The following ANO10 variants were observed in gnomAD, a reference collection of about 807,000 sequenced individuals.
ANO10 encodes the protein anoctamin-10.
A neutral mutation model predicts 74.7 loss-of-function variants in ANO10; 77 were observed. That is an observed-to-expected ratio of 1.03 (90% confidence interval 0.86 to 1.25). The LOEUF (loss-of-function observed/expected upper bound fraction) is 1.25, where lower values mean the gene tolerates loss of function less well. Ranked by LOEUF, ANO10 falls within the 50% of genes most tolerant of loss-of-function variation. The pLI is 0.00. For missense variants in ANO10, 721 were observed against 778.1 expected (o/e 0.93, Z 0.87); for synonymous variants, 279 against 284.9 (o/e 0.98, Z 0.21).
intron 11 of ANO10, among the ~76,000 whole-genome samples, chr3:43,448,317 C>T (rs2093278832): frequency 6.6e-6 from 1 of 150,730 alleles, no homozygotes; most frequent in Non-Finnish European, 1.5e-5. Context: ...CCCTGTGGTT[C>T]ACTTATTCAT....
intron 11 of ANO10, among the ~76,000 whole-genome samples, chr3:43,484,010 C>T (rs1210350287): frequency 6.6e-6 from 1 of 152,134 alleles, no homozygotes; most frequent in African/African-American, 2.4e-5. Flanking sequence ...AATCACAACT[C>T]ACTGCAGCCT....
At chr3:43,470,610 TTATTTATTTATTTATTTATG>T (rs1480121451) in intron 11 of ANO10, among the ~76,000 whole-genome samples, 7 of 148,246 alleles carry the variant, frequency 4.7e-5, no homozygotes, top group East Asian at 2.0e-4. Context: ...ATTTATTTAT[TTATTTATTTATTTATTTATG>T]TATTTATTTA....
rs1398058010 is a variant in ANO10 at position 43,448,276 on chromosome 3, T to C, written c.1798-15549A>G. ...ATGTCATGTATCCACCATTACAGTA[T>C]CATACATGATAGTTTTACTGCCCTA... On this transcript the variant is annotated intron_variant, in intron 11 of 12. Coordinates refer to ENST00000292246, the MANE Select transcript of ANO10 (RefSeq NM_018075.5). 3.3e-5 allele frequency among the ~76,000 whole-genome samples: 5 copies of C among 152,304 alleles called. No individual in the cohort carries two copies. The East Asian group carries it at 7.7e-4, about 23-fold the overall frequency.
chr3:43,580,608 G>GAA lies in ANO10; in HGVS notation c.473-137_473-136insTT, dbSNP rs558073768. 43 of 1,005,718 alleles carry GAA rather than the reference G, an allele frequency of 4.3e-5. No homozygotes were observed. The Admixed American group carries it at 7.2e-4, about 17-fold the overall frequency. The allele number at this position is 1,005,718 out of a possible 1,614,324, so 62.3% of individuals were successfully genotyped here. A position where few individuals can be genotyped will look rare whatever the true frequency, so the allele number is the denominator to read the frequency against. The stretch of plus-strand genomic sequence containing the variant: ...ATGTCATACTGCCTACTCCAAACCT[G>GAA]TATATTCTTTCATTTTTCAGAATGT... On this transcript the variant is annotated intron_variant, in intron 4 of 12. Coordinates refer to ENST00000292246, the MANE Select transcript of ANO10 (RefSeq NM_018075.5).
intron 12 of ANO10, among the ~76,000 whole-genome samples, chr3:43,380,569 G>A (rs1421824005): frequency 2.0e-5 from 3 of 152,194 alleles, no homozygotes; most frequent in Non-Finnish European, 4.4e-5. Flanking sequence ...AATTGGCCAA[G>A]AATTTTGTGT....
At chr3:43,433,204 C>T (rs1410674783) in intron 11 of ANO10, among the ~76,000 whole-genome samples, 2 of 152,016 alleles carry the variant, frequency 1.3e-5, no homozygotes, top group Non-Finnish European at 2.9e-5. Context: ...ACCTTGGCCT[C>T]CCAAAGTGCC....
At chr3:43,534,077 G>C (rs2078590273) in intron 11 of ANO10, among the ~76,000 whole-genome samples, 1 of 152,012 alleles carries the variant, frequency 6.6e-6, no homozygotes, top group Admixed American at 6.6e-5. Context: ...GACAGGAGAG[G>C]GTTCTTATCA....
intron 1 of ANO10, among the ~76,000 whole-genome samples, chr3:43,669,027 T>C (rs1171776132): frequency 6.6e-6 from 1 of 152,182 alleles, no homozygotes; most frequent in Non-Finnish European, 1.5e-5. Context: ...CCAAGTGTTC[T>C]ATAGTCCTAT....
chr3:43,543,499 C>G (rs1446218895), intron 11 of ANO10, among the ~76,000 whole-genome samples: 1 of 152,218 alleles, frequency 6.6e-6, no homozygotes, highest in African/African-American at 2.4e-5. Context: ...ACGACATTCT[C>G]CTGCTTCAGC....
chr3:43,638,081 A>C (rs889301729), intron 1 of ANO10, among the ~76,000 whole-genome samples: 1 of 152,238 alleles, frequency 6.6e-6, no homozygotes, highest in Non-Finnish European at 1.5e-5. Context: ...ATTCTTAATG[A>C]GATCATCTTG....
intron 12 of ANO10, among the ~76,000 whole-genome samples, chr3:43,381,702 A>T (rs1490425061): frequency 6.6e-6 from 1 of 152,192 alleles, no homozygotes; most frequent in Non-Finnish European, 1.5e-5. Flanking sequence ...CTTAAACTAT[A>T]CCCTAGAACA....
intron 1 of ANO10, among the ~76,000 whole-genome samples, chr3:43,682,595 C>T (rs568853052): frequency 1.3e-5 from 2 of 152,282 alleles, no homozygotes; most frequent in African/African-American, 2.4e-5. Context: ...CCAGCATCAT[C>T]CTGATACCAA....
chr3:43,480,331 A>G (rs900467172), intron 11 of ANO10, among the ~76,000 whole-genome samples: 12 of 152,228 alleles, frequency 7.9e-5, no homozygotes, highest in African/African-American at 2.7e-4. Flanking sequence ...ACAGAACTGA[A>G]GAACAGGTGT....
intron 4 of ANO10, among the ~76,000 whole-genome samples, chr3:43,591,302 A>G (rs112108780): frequency 0.019 from 2,878 of 152,232 alleles, 80 homozygotes; most frequent in African/African-American, 0.064. Context: ...TGCCACTCCC[A>G]ATTGGGCTAG....
intron 12 of ANO10, among the ~76,000 whole-genome samples, chr3:43,395,882 C>T (rs1249442751): frequency 6.6e-6 from 1 of 152,062 alleles, no homozygotes; most frequent in Non-Finnish European, 1.5e-5. Context: ...GGCTTTTGGG[C>T]CATATAGTCT....
intron 1 of ANO10, among the ~76,000 whole-genome samples, chr3:43,672,535 A>C (rs1160209363): frequency 6.6e-6 from 1 of 152,202 alleles, no homozygotes; most frequent in African/African-American, 2.4e-5. Context: ...TGCCTTAAAA[A>C]TTAAAAAACA....
chr3:43,663,290 A>G (rs540257470), intron 1 of ANO10, among the ~76,000 whole-genome samples: 5 of 152,252 alleles, frequency 3.3e-5, no homozygotes, highest in African/African-American at 1.2e-4. Flanking sequence ...AACAACAAAA[A>G]CCACGATTAT....
intron 1 of ANO10, among the ~76,000 whole-genome samples, chr3:43,620,375 C>G (rs1275558292): frequency 6.6e-6 from 1 of 152,020 alleles, no homozygotes; most frequent in African/African-American, 2.4e-5. Context: ...TTCATATACA[C>G]AAAAATACAA....
At chr3:43,599,672 G>A (rs531417369) in intron 3 of ANO10, among the ~76,000 whole-genome samples, 122 of 152,186 alleles carry the variant, frequency 8.0e-4, no homozygotes, top group Middle Eastern at 3.4e-3. Flanking sequence ...TTGGGAGGCC[G>A]AGGCAGGCAG....
Sources: allele counts gnomAD v4.1 joint callset (sites outside exome capture counted in the v4.1 genomes callset), GRCh38; gene constraint gnomAD v4.1.1; transcripts MANE v1.5; gene names NCBI Gene and HGNC (gene_info 2026-07-23, HGNC 2026-07-21).